The following ADAMTS9 variants were observed in gnomAD, a reference collection of about 807,000 sequenced individuals.
The protein encoded by ADAMTS9 is ADAM metallopeptidase with thrombospondin type 1 motif 9.
In ADAMTS9, 107 loss-of-function variants were observed where a neutral mutation model predicts 257.1. That is an observed-to-expected ratio of 0.42 (90% confidence interval 0.36 to 0.49). ADAMTS9 has a LOEUF of 0.49. ADAMTS9 is among the 20% of genes least tolerant of loss of function. The probability of loss-of-function intolerance (pLI) is 0.03; values close to 1 mark genes in which losing one functional copy is unlikely to be tolerated. For synonymous variants in ADAMTS9, 982 were observed against 880.9 expected (o/e 1.11, Z -2.03); for missense variants, 2,353 against 2,469.1 (o/e 0.95, Z 1.00).
At chr3:64,621,042 C>G (rs1049113681) in intron 19 of ADAMTS9, 72 bp downstream of exon 19, 21 of 1,527,564 alleles carry the variant, frequency 1.4e-5, no homozygotes, top group Non-Finnish European at 1.8e-5. Flanking sequence ...CCTCCTTTTG[C>G]TTCTCCTGCT....
At chr3:64,528,279 G>C (rs2106882569) in intron 38 of ADAMTS9, among the ~76,000 whole-genome samples, 1 of 152,336 alleles carries the variant, frequency 6.6e-6, no homozygotes, top group Admixed American at 6.5e-5. Context: ...TGGGCATGGG[G>C]AGCTGTGGTG....
Position 64,519,345 on chromosome 3 carries a change from A to G in ADAMTS9, c.*6-2224T>C, listed in dbSNP as rs560162983. Among the ~76,000 whole-genome samples the G allele has an allele frequency of 1.9e-4, 29 of 152,316 alleles. No individual in the cohort carries two copies. The East Asian group carries it at 2.3e-3, about 12-fold the overall frequency. ...AGCAGGACCCCTAGAGATGCAGCCC[A>G]ATAAACAGCCTTTTAAATAAGCTCT... On this transcript the variant is annotated intron_variant, in intron 39 of 39. Transcript: ENST00000498707.
chr3:64,596,210 C>A (rs534191781), intron 27 of ADAMTS9, among the ~76,000 whole-genome samples: 2 of 152,112 alleles, frequency 1.3e-5, no homozygotes, highest in Non-Finnish European at 2.9e-5. Context: ...TTGCCAAGGT[C>A]ACAAAACTTT....
chr3:64,557,655 G>C (rs752311111), intron 30 of ADAMTS9, among the ~76,000 whole-genome samples: 21 of 152,172 alleles, frequency 1.4e-4, no homozygotes, highest in Non-Finnish European at 2.6e-4. Context: ...AAATGTGCTA[G>C]TCACCATGTC....
intron 12 of ADAMTS9, among the ~76,000 whole-genome samples, chr3:64,637,231 C>A (rs1482569200): frequency 6.6e-6 from 1 of 152,094 alleles, no homozygotes; most frequent in Non-Finnish European, 1.5e-5. Flanking sequence ...ACTCATCTTT[C>A]AGCATGGAAA....
rs181512177 is a variant in ADAMTS9 at position 64,594,948 on chromosome 3, G to A, written c.4180-514C>T. Among the ~76,000 whole-genome samples the A allele has an allele frequency of 7.6e-3, 765 of 100,260 alleles. 9 individuals are homozygous for A. Among genetic ancestry groups the A allele is most frequent in the African/African-American group, 0.034 (721 of 21,464 alleles). 65.8% of individuals were successfully genotyped at this position (100,260 alleles called of 152,430 possible). ...ACTACAGGCGTGTGCCATCACACTC[G>A]GCTAATTTTTTTGTATTTTTAGTAG... On this transcript the variant is annotated intron_variant, in intron 27 of 39. Coordinates refer to ENST00000498707, the MANE Select transcript of ADAMTS9 (RefSeq NM_182920.2).
chr3:64,672,958 A>G (rs1480133431), intron 3 of ADAMTS9, among the ~76,000 whole-genome samples: 1 of 152,220 alleles, frequency 6.6e-6, no homozygotes, highest in African/African-American at 2.4e-5. Context: ...GATACTTAAC[A>G]TCACGTTATA....
At chr3:64,670,060 T>G (rs2107011472) in intron 3 of ADAMTS9, among the ~76,000 whole-genome samples, 1 of 152,320 alleles carries the variant, frequency 6.6e-6, no homozygotes, top group South Asian at 2.1e-4. Flanking sequence ...TCTATCCCTC[T>G]TCAGCAGCAG....
At chr3:64,597,409 G>A (rs927902969) in intron 26 of ADAMTS9, among the ~76,000 whole-genome samples, 2 of 152,124 alleles carry the variant, frequency 1.3e-5, no homozygotes, top group East Asian at 1.9e-4. Context: ...CTTTCAACGC[G>A]GAGGTCAAAT....
chr3:64,528,921 C>T (rs532680676), intron 38 of ADAMTS9, among the ~76,000 whole-genome samples: 1 of 152,084 alleles, frequency 6.6e-6, no homozygotes, highest in Non-Finnish European at 1.5e-5. Flanking sequence ...ATGGCAGAGC[C>T]AGTGGGCACA....
chr3:64,662,271 T>C (rs374152498), intron 3 of ADAMTS9, among the ~76,000 whole-genome samples: 51 of 152,290 alleles, frequency 3.3e-4, no homozygotes, highest in African/African-American at 1.1e-3. Context: ...TCAGCAAATA[T>C]GTTCTGTATT....
chr3:64,622,391 G>T (rs780811123), intron 17 of ADAMTS9, 29 bp downstream of exon 17: 2 of 1,612,812 alleles, frequency 1.2e-6, no homozygotes, highest in Admixed American at 3.3e-5. Flanking sequence ...CAGAAGAAAA[G>T]GGTGGTGGGC....
chr3:64,661,684 A>G (rs1226929141), intron 3 of ADAMTS9, among the ~76,000 whole-genome samples: 1 of 152,192 alleles, frequency 6.6e-6, no homozygotes, highest in Non-Finnish European at 1.5e-5. Flanking sequence ...TGAGAAAAAG[A>G]CAGTGCCTGG....
chr3:64,560,758 ACT>A (rs1298362920), intron 30 of ADAMTS9, among the ~76,000 whole-genome samples: 1 of 150,424 alleles, frequency 6.6e-6, no homozygotes, highest in Non-Finnish European at 1.5e-5. Flanking sequence ...GTTCTGAAAA[ACT>A]CTTCATGGTG....
intron 37 of ADAMTS9, among the ~76,000 whole-genome samples, chr3:64,533,484 G>A (rs1301594484): frequency 1.3e-5 from 2 of 152,226 alleles, no homozygotes; most frequent in Non-Finnish European, 2.9e-5. Context: ...GCTCTACGAA[G>A]GAGGTTTTCT....
intron 3 of ADAMTS9, among the ~76,000 whole-genome samples, chr3:64,670,795 A>T (rs1701468160): frequency 6.6e-6 from 1 of 152,240 alleles, no homozygotes; most frequent in Admixed American, 6.5e-5. Flanking sequence ...CTTTAGGTAA[A>T]TGCAAATGAA....
chr3:64,651,787 T>G (rs905762097), intron 8 of ADAMTS9, among the ~76,000 whole-genome samples: 1 of 152,158 alleles, frequency 6.6e-6, no homozygotes, highest in South Asian at 2.1e-4. Flanking sequence ...AACTCAGAGA[T>G]GGCAAATAGT....
chr3:64,574,155 A>C (rs2083769216), intron 28 of ADAMTS9, among the ~76,000 whole-genome samples: 1 of 152,230 alleles, frequency 6.6e-6, no homozygotes, highest in Non-Finnish European at 1.5e-5. Flanking sequence ...CTCATTTGGC[A>C]CAAGTTATTT....
chr3:64,533,834 G>C (rs554341236), intron 37 of ADAMTS9, among the ~76,000 whole-genome samples: 1 of 152,282 alleles, frequency 6.6e-6, no homozygotes, highest in Admixed American at 6.5e-5. Context: ...GACCACCTGG[G>C]CCTGGAGGAT....
Sources: allele counts gnomAD v4.1 joint callset (sites outside exome capture counted in the v4.1 genomes callset), GRCh38; gene constraint gnomAD v4.1.1; transcripts MANE v1.5; gene names NCBI Gene and HGNC (gene_info 2026-07-23, HGNC 2026-07-21).